The following GRIK4 variants were observed in gnomAD, a reference collection of about 807,000 sequenced individuals.
GRIK4 encodes the protein glutamate ionotropic receptor kainate type subunit 4.
A neutral mutation model predicts 104.9 loss-of-function variants in GRIK4; 40 were observed. The ratio of observed to expected loss-of-function variants is 0.38; its 90% CI spans 0.30 to 0.50. The LOEUF (loss-of-function observed/expected upper bound fraction) is 0.50, where lower values mean the gene tolerates loss of function less well. Among genes scored for constraint, GRIK4 ranks in the 20% least tolerant of loss-of-function variants. GRIK4 has a pLI of 0.93. For synonymous variants in GRIK4, 485 were observed against 524.9 expected (o/e 0.92, Z 1.04); for missense variants, 1,047 against 1,308.1 (o/e 0.80, Z 3.08).
chr11:120,861,388 G>A (rs528893549), intron 8 of GRIK4, among the ~76,000 whole-genome samples: 18 of 152,178 alleles, frequency 1.2e-4, no homozygotes, highest in Admixed American at 1.3e-4. Flanking sequence ...GATTATGAGC[G>A]TGAGCCACTG....
At chr11:120,852,039 G>A (rs1591990444) in intron 8 of GRIK4, among the ~76,000 whole-genome samples, 1 of 152,212 alleles carries the variant, frequency 6.6e-6, no homozygotes, top group African/African-American at 2.4e-5. Flanking sequence ...GCCTGAAGAA[G>A]GAAGCAAGCC....
chr11:120,650,024 A>G (rs1949597508), intron 1 of GRIK4, among the ~76,000 whole-genome samples: 1 of 152,104 alleles, frequency 6.6e-6, no homozygotes, highest in African/African-American at 2.4e-5. Context: ...GATAAATGTC[A>G]GGGATATTTG....
chr11:120,680,410 G>A (rs143984849), intron 3 of GRIK4, among the ~76,000 whole-genome samples: 1 of 152,284 alleles, frequency 6.6e-6, no homozygotes, highest in East Asian at 1.9e-4. Context: ...TCCTCTGAGA[G>A]TGGATCTTGC....
chr11:120,871,944 C>A (rs1014413152), intron 9 of GRIK4: 5 of 455,858 alleles, frequency 1.1e-5, no homozygotes, highest in Admixed American at 9.4e-5. Flanking sequence ...AGCTGGCTCA[C>A]CCAGTTCCCC....
chr11:120,819,621 C>T lies in GRIK4; in HGVS notation c.346-134C>T. ...CACGGAGTGGGTGCCCTGGGAGCTC[C>T]TTCTCCCATTGGTGTCTGGCGAAGG... On this transcript the variant is annotated intron_variant, in intron 5 of 20. Transcript: ENST00000527524. This position sits in a 1 kb window ranked among gnomAD's most constrained non-coding sequence, Gnocchi z 4.3. 1.3e-6 allele frequency: 1 copy of T among 771,384 alleles called. No homozygotes were observed. Among genetic ancestry groups the T allele is most frequent in the Non-Finnish European group, 2.2e-6 (1 of 456,018 alleles). 47.8% of individuals were successfully genotyped at this position (771,384 alleles called of 1,614,324 possible).
intron 3 of GRIK4, among the ~76,000 whole-genome samples, chr11:120,695,108 C>T (rs1274850143): frequency 6.6e-6 from 1 of 152,226 alleles, no homozygotes; most frequent in Non-Finnish European, 1.5e-5. Context: ...GAGGGGGAGC[C>T]AGGGATGCCC....
intron 9 of GRIK4, chr11:120,872,330 C>T (rs910544420): frequency 1.9e-5 from 4 of 209,360 alleles, no homozygotes; most frequent in African/African-American, 4.6e-5. Flanking sequence ...GCTCTTTCCT[C>T]GACACCTCAC....
At chr11:120,938,452 C>A (rs1943644792) in intron 13 of GRIK4, among the ~76,000 whole-genome samples, 1 of 152,220 alleles carries the variant, frequency 6.6e-6, no homozygotes, top group African/African-American at 2.4e-5. Context: ...GTTTGTTAAG[C>A]TGTGCTGGAT....
At chr11:120,779,716 C>T (rs1952113971) in intron 3 of GRIK4, among the ~76,000 whole-genome samples, 1 of 152,204 alleles carries the variant, frequency 6.6e-6, no homozygotes, top group Admixed American at 6.5e-5. Flanking sequence ...ATACCTAAAT[C>T]ATGAGGCAGG....
intron 11 of GRIK4, among the ~76,000 whole-genome samples, chr11:120,893,740 C>T (rs1028740074): frequency 1.3e-5 from 2 of 152,190 alleles, no homozygotes; most frequent in South Asian, 2.1e-4. Context: ...TCAGCCATAG[C>T]GGGTGTGTTT....
chr11:120,567,901 CA>C (rs1948351125), intron 1 of GRIK4, among the ~76,000 whole-genome samples: 3 of 152,308 alleles, frequency 2.0e-5, no homozygotes, highest in Admixed American at 2.0e-4. Context: ...TACAGTAGGC[CA>C]GGCATGGTGG....
intron 1 of GRIK4, among the ~76,000 whole-genome samples, chr11:120,527,117 C>T (rs7104087): frequency 0.042 from 6,329 of 152,314 alleles, 437 homozygotes; most frequent in African/African-American, 0.14. Context: ...GAGCCAGCAC[C>T]CAGTCCTGGG....
At chr11:120,840,309 C>T (rs1953680687) in intron 8 of GRIK4, among the ~76,000 whole-genome samples, 1 of 152,030 alleles carries the variant, frequency 6.6e-6, no homozygotes, top group Admixed American at 6.6e-5. Context: ...GACATCTGGG[C>T]CTTTTATTTA....
At chr11:120,692,247 C>T (rs552285992) in intron 3 of GRIK4, among the ~76,000 whole-genome samples, 29 of 152,372 alleles carry the variant, frequency 1.9e-4, no homozygotes, top group African/African-American at 5.8e-4. Context: ...GGAAAGCTGG[C>T]TCCAACCCTC....
intron 20 of GRIK4, among the ~76,000 whole-genome samples, chr11:120,984,820 CTTTTT>C (rs569201252): frequency 4.3e-5 from 5 of 115,802 alleles, no homozygotes; most frequent in Admixed American, 9.0e-5. Flanking sequence ...CATCTATATT[CTTTTT>C]TTTTTTTTTT....
chr11:120,810,935 A>C (rs1467920812), intron 4 of GRIK4, among the ~76,000 whole-genome samples: 2 of 152,186 alleles, frequency 1.3e-5, no homozygotes, highest in Non-Finnish European at 2.9e-5. Flanking sequence ...TCAAAATGGA[A>C]AGAAATGCTA....
In GRIK4 at chr11:120,967,804, G is replaced by C. The variant is rs900643406; in HGVS notation, c.2395+481G>C. ...TAAAATTCAGGACCCTGTGTGATCT[G>C]TTCCCCCTCAGCCTTCCTCTCTTCT... On this transcript the variant is annotated intron_variant, in intron 19 of 20. Transcript: ENST00000527524. This position sits in a 1 kb window ranked among gnomAD's most constrained non-coding sequence, Gnocchi z 4.2. Among the ~76,000 whole-genome samples, 2 of 151,822 alleles carry C rather than the reference G, an allele frequency of 1.3e-5. No homozygotes were observed. The highest frequency in any genetic ancestry group is 2.9e-5 in the Non-Finnish European group (2 of 67,944).
intron 3 of GRIK4, among the ~76,000 whole-genome samples, chr11:120,742,447 C>T (rs1951350409): frequency 6.6e-6 from 1 of 151,268 alleles, no homozygotes; most frequent in South Asian, 2.1e-4. Context: ...TATCAGTGAT[C>T]TTTAGAGAAA....
intron 3 of GRIK4, among the ~76,000 whole-genome samples, chr11:120,688,350 A>C (rs1447542978): frequency 6.6e-6 from 1 of 152,212 alleles, no homozygotes; most frequent in South Asian, 2.1e-4. Context: ...GCTTACTATT[A>C]ACACATAAAA....
Sources: gnomAD v4.1 joint callset for allele counts (sites outside exome capture counted in the v4.1 genomes callset) on GRCh38, gnomAD v4.1.1 for gene constraint, Gnocchi (gnomAD v3.1) non-coding constraint, MANE v1.5 for transcripts, NCBI Gene and HGNC (gene_info 2026-07-23, HGNC 2026-07-21) for gene names.